The following TAMM41 variants were observed in gnomAD, a reference collection of about 807,000 sequenced individuals.
TAMM41 encodes TAM41 mitochondrial translocator assembly and maintenance homolog.
In TAMM41, 36 loss-of-function variants were observed where a neutral mutation model predicts 44.1. That is an observed-to-expected ratio of 0.82 (90% CI 0.63 to 1.08). The LOEUF is 1.08. TAMM41 is among the 50% of genes least tolerant of loss of function. The pLI is 0.00. For synonymous variants in TAMM41, 164 were observed against 153.1 expected, an observed-to-expected ratio of 1.07 and a Z score of -0.53; for missense variants, 417 against 404.3, an observed-to-expected ratio of 1.03 and a Z score of -0.27.
At chr3:11,787,350 C>T (rs531490597), downstream of TAMM41, among the ~76,000 whole-genome samples, 51 of 152,288 alleles carry the variant, frequency 3.3e-4, 2 homozygotes, top group South Asian at 0.01. Context: ...CTACAGGGAG[C>T]ATCTCCAGCA....
At chr3:11,817,438 C>T in intron 4 of TAMM41, 101 bp from the exon 5 acceptor site, 2 of 1,219,132 alleles carry the variant, frequency 1.6e-6, no homozygotes, top group South Asian at 1.9e-5. Flanking sequence ...TTCACTCTGG[C>T]AGGATCCCTC....
chr3:11,823,192 T>A (rs2078595011), intron 4 of TAMM41, among the ~76,000 whole-genome samples: 1 of 152,292 alleles, frequency 6.6e-6, no homozygotes, highest in East Asian at 1.9e-4. Flanking sequence ...AAGAAATGGC[T>A]ATTCAAATCC....
chr3:11,758,749 C>T, the TAMM41 span, among the ~76,000 whole-genome samples: 1 of 152,166 alleles, frequency 6.6e-6, no homozygotes, highest in African/African-American at 2.4e-5. Context: ...TCTCAGCTCA[C>T]TGCAACCCCC....
Position 11,792,486 on chromosome 3 carries a change from A to G in TAMM41, c.938-1905T>C, listed in dbSNP as rs189627297. ...ACTCCCTAACACTGCAGGAAAATCT[A>G]CTGTGTGTGTGCGTAGGTGCACTTC... On this transcript the variant is annotated intron_variant, in intron 7 of 7. Coordinates refer to ENST00000455809, the MANE Select transcript of TAMM41 (RefSeq NM_001284401.2). Among the ~76,000 whole-genome samples, 174 of 152,288 alleles carry G rather than the reference A, an allele frequency of 1.1e-3. 5 individuals carry two copies. The East Asian group carries it at 0.027, about 23-fold the overall frequency.
intron 7 of TAMM41, among the ~76,000 whole-genome samples, chr3:11,792,700 T>C (rs1167250655): frequency 6.6e-6 from 1 of 152,168 alleles, no homozygotes. Context: ...AAAAAACTGC[T>C]AAACATATAG....
intron 3 of TAMM41, among the ~76,000 whole-genome samples, chr3:11,838,207 G>A (rs1220584036): frequency 6.6e-6 from 1 of 152,142 alleles, no homozygotes; most frequent in South Asian, 2.1e-4. Flanking sequence ...AGCTCAGGAA[G>A]GCAGTTTTTT....
the TAMM41 span, among the ~76,000 whole-genome samples, chr3:11,726,492 T>C: frequency 3.9e-5 from 6 of 152,186 alleles, no homozygotes; most frequent in Non-Finnish European, 7.3e-5. Flanking sequence ...ATGTATGCTA[T>C]GGGCAGGGAA....
the TAMM41 span, among the ~76,000 whole-genome samples, chr3:11,736,758 G>A: frequency 2.0e-5 from 3 of 152,168 alleles, no homozygotes; most frequent in African/African-American, 7.2e-5. Context: ...CTATACAAGA[G>A]GGTATAGAGT....
chr3:11,785,997 A>G (rs562691524), downstream of TAMM41, among the ~76,000 whole-genome samples: 41 of 152,250 alleles, frequency 2.7e-4, no homozygotes, highest in African/African-American at 8.9e-4. Flanking sequence ...GGACTTGTAT[A>G]CAGTATCTAA....
At chr3:11,829,140 T>A (rs2125028419) in intron 4 of TAMM41, among the ~76,000 whole-genome samples, 1 of 152,166 alleles carries the variant, frequency 6.6e-6, no homozygotes, top group Non-Finnish European at 1.5e-5. Flanking sequence ...AATAAATATA[T>A]ATATAGTATG....
chr3:11,779,277 C>T, the TAMM41 span, among the ~76,000 whole-genome samples: 3 of 152,138 alleles, frequency 2.0e-5, no homozygotes, highest in Non-Finnish European at 4.4e-5. Flanking sequence ...ATCAGAATCA[C>T]GAGCCAAATA....
At chr3:11,837,531 G>A (rs759717455) in intron 3 of TAMM41, among the ~76,000 whole-genome samples, 13 of 151,456 alleles carry the variant, frequency 8.6e-5, no homozygotes, top group Admixed American at 2.6e-4. Flanking sequence ...GGGAGAAGCC[G>A]ACTCCCCACA....
At chr3:11,753,990 CA>C in the TAMM41 span, among the ~76,000 whole-genome samples, 1 of 152,144 alleles carries the variant, frequency 6.6e-6, no homozygotes, top group Non-Finnish European at 1.5e-5. Flanking sequence ...GTGTTCTCCT[CA>C]CATCCCTGTC....
At chr3:11,844,335 C>A in intron 1 of TAMM41, 124 bp from the exon 2 acceptor site, 1 of 865,184 alleles carries the variant, frequency 1.2e-6, no homozygotes, top group Non-Finnish European at 1.7e-6. Context: ...GTGCTGTCAT[C>A]AGAAATGTGA....
chr3:11,789,110 C>T (rs1034936475), downstream of TAMM41, among the ~76,000 whole-genome samples: 1 of 152,172 alleles, frequency 6.6e-6, no homozygotes. Context: ...CAGCACAACT[C>T]GAAGAGGTCT....
At chr3:11,777,762 C>T in the TAMM41 span, among the ~76,000 whole-genome samples, 1 of 152,238 alleles carries the variant, frequency 6.6e-6, no homozygotes, top group Middle Eastern at 3.4e-3. Context: ...CCACTGCACT[C>T]CAGCCTGGGT....
At chr3:11,837,099 C>T (rs2079213187) in intron 3 of TAMM41, among the ~76,000 whole-genome samples, 1 of 152,020 alleles carries the variant, frequency 6.6e-6, no homozygotes, top group African/African-American at 2.4e-5. Flanking sequence ...AATTGTAAGC[C>T]CAGGTGCAAA....
chr3:11,767,103 A>G, the TAMM41 span, among the ~76,000 whole-genome samples: 126,511 of 152,044 alleles, frequency 0.83, 53,364 homozygotes, highest in African/African-American at 0.94. Context: ...GAGTCTCACT[A>G]TGTCACCCAG....
At chr3:11,777,382 T>C in the TAMM41 span, among the ~76,000 whole-genome samples, 2 of 152,214 alleles carry the variant, frequency 1.3e-5, no homozygotes, top group African/African-American at 2.4e-5. Flanking sequence ...GGAGTTGAGG[T>C]ACTACTAAAT....
Sources: gnomAD v4.1 joint callset for allele counts (sites outside exome capture counted in the v4.1 genomes callset) on GRCh38, gnomAD v4.1.1 for gene constraint, MANE v1.5 for transcripts, NCBI Gene and HGNC (gene_info 2026-07-23, HGNC 2026-07-21) for gene names.